Variants in EPHA6 observed in about 807,000 individuals in gnomAD.
EPHA6 encodes the protein ephrin type-A receptor 6.
In EPHA6, 50 loss-of-function variants were observed where a neutral mutation model predicts 112.0. That is an observed-to-expected ratio of 0.45 (90% CI 0.36 to 0.56). EPHA6 has a LOEUF of 0.56. Ranked by LOEUF, EPHA6 falls within the 20% of genes least tolerant of loss-of-function variation. EPHA6 has a pLI of 0.00. For missense variants in EPHA6, 1,280 were observed against 1,417.4 expected, an observed-to-expected ratio of 0.90 and a Z score of 1.56; for synonymous variants, 529 against 490.7, an observed-to-expected ratio of 1.08 and a Z score of -1.03.
chr3:97,553,102 T>C (rs1214961787), intron 11 of EPHA6, among the ~76,000 whole-genome samples: 2 of 152,154 alleles, frequency 1.3e-5, no homozygotes, highest in African/African-American at 4.8e-5. Flanking sequence ...GATTAATCTT[T>C]ATACAAAAAG....
At chr3:97,698,285 C>T (rs1003404617) in intron 14 of EPHA6, among the ~76,000 whole-genome samples, 6 of 152,150 alleles carry the variant, frequency 3.9e-5, no homozygotes, top group Non-Finnish European at 5.9e-5. Flanking sequence ...AGTTGTGAGC[C>T]GTCGTGACCG....
intron 5 of EPHA6, among the ~76,000 whole-genome samples, chr3:97,323,777 A>T (rs2082235029): frequency 6.6e-6 from 1 of 151,954 alleles, no homozygotes; most frequent in Admixed American, 6.6e-5. Context: ...CGCCACAGGG[A>T]GAAAGAAACA....
chr3:97,416,601 A>T (rs2088143462), intron 6 of EPHA6, among the ~76,000 whole-genome samples: 1 of 152,056 alleles, frequency 6.6e-6, no homozygotes, highest in Admixed American at 6.6e-5. Flanking sequence ...TGAGCCTGAA[A>T]CAGTGAGCAG....
rs767151984 is a variant in EPHA6, at chr3:97,484,044, A to G, written c.2185A>G (p.Arg729Gly). Reference protein sequence around the residue: ...EIDPSRIRIERVIGAGEFGEV... With the variant: ...EIDPSRIRIEGVIGAGEFGEV... ...TGATCCCTCAAGAATTCGTATTGAGAGAGTCATTGGGGCAGGTAAATGTCA... is the reference window on the plus strand; with the variant it reads ...TGATCCCTCAAGAATTCGTATTGAGGGAGTCATTGGGGCAGGTAAATGTCA... Residue 729 changes from arginine (R) to glycine (G), a missense_variant, in exon 10 of 18, where the codon AGA becomes GGA. Coordinates refer to ENST00000389672, the MANE Select transcript of EPHA6 (RefSeq NM_001080448.3). 3 of 1,604,762 alleles carry G rather than the reference A, an allele frequency of 1.9e-6. No homozygotes were observed. Among genetic ancestry groups the G allele is most frequent in the East Asian group, 2.2e-5 (1 of 44,508 alleles).
chr3:97,172,935 T>C (rs2108431893), intron 3 of EPHA6, among the ~76,000 whole-genome samples: 1 of 152,086 alleles, frequency 6.6e-6, no homozygotes, highest in African/African-American at 2.4e-5. Flanking sequence ...GACCAGGGGT[T>C]ACTGATGATC....
At chr3:97,121,759 A>G (rs898868066) in intron 3 of EPHA6, among the ~76,000 whole-genome samples, 2 of 152,054 alleles carry the variant, frequency 1.3e-5, no homozygotes, top group African/African-American at 4.8e-5. Context: ...TAAATGATAA[A>G]GGATGACTAT....
chr3:97,434,721 AG>A (rs1183269526), intron 6 of EPHA6, among the ~76,000 whole-genome samples: 1 of 152,130 alleles, frequency 6.6e-6, no homozygotes, highest in Admixed American at 6.6e-5. Flanking sequence ...TGAATCTATT[AG>A]TCAGGTATTC....
chr3:96,967,421 G>A, intron 2 of EPHA6, among the ~76,000 whole-genome samples: 1 of 151,198 alleles, frequency 6.6e-6, no homozygotes, highest in Non-Finnish European at 1.5e-5. Context: ...TTTTCACGCT[G>A]AATTTTACTG....
intron 3 of EPHA6, among the ~76,000 whole-genome samples, chr3:97,164,661 T>C (rs1213281328): frequency 2.6e-5 from 4 of 152,116 alleles, no homozygotes; most frequent in Non-Finnish European, 5.9e-5. Flanking sequence ...TTTGAAGCTA[T>C]ATTATATTCA....
intron 5 of EPHA6, among the ~76,000 whole-genome samples, chr3:97,357,726 C>T (rs531237616): frequency 6.6e-6 from 1 of 152,236 alleles, no homozygotes; most frequent in South Asian, 2.1e-4. Flanking sequence ...TGACTGGGAG[C>T]TTTACCAATA....
At chr3:97,264,327 T>C (rs2079601342) in intron 5 of EPHA6, among the ~76,000 whole-genome samples, 1 of 152,238 alleles carries the variant, frequency 6.6e-6, no homozygotes, top group Admixed American at 6.5e-5. Flanking sequence ...GTCCGGCCAT[T>C]GCGCACAGTT....
intron 13 of EPHA6, among the ~76,000 whole-genome samples, chr3:97,626,749 T>C (rs2093860370): frequency 6.6e-6 from 1 of 151,716 alleles, no homozygotes; most frequent in African/African-American, 2.4e-5. Flanking sequence ...GATAAACTAT[T>C]AGTAGCTTAA....
At chr3:97,402,626 T>G (rs1267928026) in intron 5 of EPHA6, among the ~76,000 whole-genome samples, 2 of 152,102 alleles carry the variant, frequency 1.3e-5, no homozygotes, top group Non-Finnish European at 2.9e-5. Flanking sequence ...AGGACTTATT[T>G]TAAATAGTGA....
rs186840998 is a variant in EPHA6, at chr3:97,022,886, T to A, written c.1114+34893T>A. ...TTTCTTTGTTTTCTGCCTGAATGAG[T>A]ATTAGCAGGCCAGCTTGAGCACAGC... On this transcript the variant is annotated intron_variant, in intron 3 of 17. Transcript: ENST00000389672. Among the ~76,000 whole-genome samples the A allele has an allele frequency of 5.2e-3, 786 of 152,258 alleles. 9 individuals carry two copies. Among genetic ancestry groups the A allele is most frequent in the African/African-American group, 0.017 (721 of 41,532 alleles).
At chr3:97,464,250 G>A (rs2090983745) in intron 7 of EPHA6, among the ~76,000 whole-genome samples, 1 of 152,054 alleles carries the variant, frequency 6.6e-6, no homozygotes, top group Admixed American at 6.6e-5. Context: ...GCATATGACT[G>A]GGTGCCAGAG....
chr3:96,829,955 A>ACG (rs2033936782), intron 1 of EPHA6, among the ~76,000 whole-genome samples: 1 of 110,608 alleles, frequency 9.0e-6, no homozygotes, highest in South Asian at 2.7e-4. Flanking sequence ...GCGCGCACAC[A>ACG]CACACACACA....
chr3:97,267,733 G>C (rs558328507), intron 5 of EPHA6, among the ~76,000 whole-genome samples: 1 of 152,142 alleles, frequency 6.6e-6, no homozygotes, highest in Non-Finnish European at 1.5e-5. Context: ...ATAGGGTTAA[G>C]TTGGGGAAAT....
intron 6 of EPHA6, among the ~76,000 whole-genome samples, chr3:97,422,849 G>T (rs1473874681): frequency 6.6e-6 from 1 of 152,064 alleles, no homozygotes; most frequent in East Asian, 1.9e-4. Context: ...ATGCAAGGTT[G>T]GTTCAACATA....
At chr3:97,239,584 C>T (rs1430998159) in intron 4 of EPHA6, among the ~76,000 whole-genome samples, 2 of 151,760 alleles carry the variant, frequency 1.3e-5, no homozygotes, top group South Asian at 2.1e-4. Context: ...CTAAGAAAAT[C>T]GTAAAGGAAG....
Sources: gnomAD v4.1 joint callset for allele counts (sites outside exome capture counted in the v4.1 genomes callset) on GRCh38, gnomAD v4.1.1 for gene constraint, MANE v1.5 for transcripts, NCBI Gene and HGNC (gene_info 2026-07-23, HGNC 2026-07-21) for gene names.